Variants in ASS1 observed in about 807,000 individuals in gnomAD.
ASS1 encodes the protein argininosuccinate synthase.
Under a neutral mutation model 60.5 loss-of-function variants are expected in ASS1, and 58 were observed. That is an observed-to-expected ratio of 0.96 (90% confidence interval 0.78 to 1.19). The LOEUF is 1.19. Among genes scored for constraint, ASS1 ranks in the 50% most tolerant of loss-of-function variants. ASS1 has a pLI of 0.00. For synonymous variants in ASS1, 200 were observed against 206.9 expected, an observed-to-expected ratio of 0.97 and a Z score of 0.29; for missense variants, 454 against 547.3, an observed-to-expected ratio of 0.83 and a Z score of 1.70.
intron 4 of ASS1, 110 bp downstream of exon 4, chr9:130,458,699 T>G: frequency 7.0e-7 from 1 of 1,424,132 alleles, no homozygotes; most frequent in East Asian, 2.5e-5. Flanking sequence ...GCAGACTTGG[T>G]GCAAGGCAGC....
intron 8 of ASS1, among the ~76,000 whole-genome samples, chr9:130,472,790 G>A (rs1436100167): frequency 6.6e-5 from 10 of 152,184 alleles, no homozygotes; most frequent in Admixed American, 5.9e-4. Context: ...CAGGGAGGCC[G>A]AGCCTGCAGG....
At chr9:130,445,136 G>A (rs866532987) in intron 1 of ASS1, 141 bp downstream of exon 1, 14 of 985,220 alleles carry the variant, frequency 1.4e-5, no homozygotes, top group East Asian at 1.1e-4. Flanking sequence ...ACTCGCCGGG[G>A]ACTGGGACCG....
At chr9:130,490,044 G>T (rs1373443562) in intron 12 of ASS1, among the ~76,000 whole-genome samples, 1 of 152,236 alleles carries the variant, frequency 6.6e-6, no homozygotes, top group Non-Finnish European at 1.5e-5. Context: ...CCACTGGGGT[G>T]GCCACAGGGC....
intron 4 of ASS1, among the ~76,000 whole-genome samples, chr9:130,460,835 G>A (rs555096102): frequency 3.7e-4 from 56 of 152,256 alleles, no homozygotes; most frequent in South Asian, 1.2e-3. Context: ...CACAGACTGC[G>A]GCCTTGGTTT....
At position 130,479,756 on chromosome 9, in the gene ASS1, C is replaced by G. The variant is rs370892743; in HGVS notation, c.729C>G (p.Thr243=). ...VKVTNVKDGT[T]HQTSLELFMY... ...TGACCAACGTCAAGGATGGCACCAC[C>G]CACCAGACCTCCTTGGAGCTCTTCA... Residue 243 remains threonine, a synonymous_variant, in exon 10 of 15, where the codon ACC becomes ACG. Transcript: ENST00000352480. The G allele has an allele frequency of 6.2e-7, 1 of 1,614,224 alleles. No individual in the cohort carries two copies.
At chr9:130,462,566 C>T (rs1588479310) in intron 4 of ASS1, among the ~76,000 whole-genome samples, 1 of 152,190 alleles carries the variant, frequency 6.6e-6, no homozygotes, top group Non-Finnish European at 1.5e-5. Flanking sequence ...GATGGGCAGA[C>T]AGCAGCCCAG....
intron 14 of ASS1, 64 bp downstream of exon 14, chr9:130,499,634 GC>G: frequency 6.6e-7 from 1 of 1,506,822 alleles, no homozygotes; most frequent in Non-Finnish European, 9.1e-7. Context: ...GGCTTTGAGA[GC>G]CCCCAGGTGT....
intron 11 of ASS1, among the ~76,000 whole-genome samples, chr9:130,482,210 A>G (rs1323498165): frequency 6.6e-6 from 1 of 151,984 alleles, no homozygotes; most frequent in Admixed American, 6.5e-5. Context: ...GTTCAAACTC[A>G]TGTATGGTGG....
chr9:130,486,180 T>G (rs996127705), intron 11 of ASS1, among the ~76,000 whole-genome samples: 1 of 152,082 alleles, frequency 6.6e-6, no homozygotes, highest in Non-Finnish European at 1.5e-5. Flanking sequence ...GGGTTGGTCT[T>G]GAACTCCTGG....
intron 8 of ASS1, among the ~76,000 whole-genome samples, chr9:130,472,444 G>A (rs1302624728): frequency 6.6e-6 from 1 of 152,178 alleles, no homozygotes; most frequent in Non-Finnish European, 1.5e-5. Flanking sequence ...GAGCGGGCCG[G>A]GGGTGGCATT....
At chr9:130,499,352 T>C (rs1056004771) in intron 13 of ASS1, among the ~76,000 whole-genome samples, 153 bp from the exon 14 acceptor site, 1 of 152,152 alleles carries the variant, frequency 6.6e-6, no homozygotes, top group Non-Finnish European at 1.5e-5. Flanking sequence ...GTACAGAAAT[T>C]CAATGGAAAG....
intron 5 of ASS1, among the ~76,000 whole-genome samples, chr9:130,466,044 C>A (rs908634991): frequency 6.6e-6 from 1 of 152,192 alleles, no homozygotes; most frequent in African/African-American, 2.4e-5. Context: ...AGGTGGCGGG[C>A]CCCTTCCATT....
Position 130,494,469 on chromosome 9 carries a change from C to A in ASS1, c.971-398C>A, listed in dbSNP as rs1846530761. ...CCCCAGGCAGCATGTGCCTCTGAGT[C>A]CTGTCTGAGGTCTTCTGCCTCCCCC... On this transcript the variant is annotated intron_variant, in intron 12 of 14. Coordinates refer to ENST00000352480, the MANE Select transcript of ASS1 (RefSeq NM_054012.4). The surrounding 1 kb of genome is among the most constrained non-coding windows in gnomAD (Gnocchi z 4.3). 6.6e-6 allele frequency among the ~76,000 whole-genome samples: 1 copy of A among 152,248 alleles called. No individual in the cohort carries two copies. The highest frequency in any genetic ancestry group is 1.5e-5 in the Non-Finnish European group (1 of 68,042).
intron 4 of ASS1, among the ~76,000 whole-genome samples, chr9:130,460,942 C>T (rs1237617531): frequency 6.6e-6 from 1 of 151,970 alleles, no homozygotes. Context: ...GTGTATGCTG[C>T]CATCTGTGCA....
chr9:130,457,724 C>A (rs1252438498), intron 3 of ASS1, among the ~76,000 whole-genome samples: 3 of 152,072 alleles, frequency 2.0e-5, no homozygotes, highest in Non-Finnish European at 2.9e-5. Flanking sequence ...CTTCCAAATG[C>A]CTCCCCTACT....
chr9:130,454,175 T>C, intron 2 of ASS1, 130 bp from the exon 3 acceptor site: 3 of 941,866 alleles, frequency 3.2e-6, no homozygotes, highest in Non-Finnish European at 5.0e-6. Flanking sequence ...CCTTTTTCCT[T>C]CTTACTGTGA....
intron 1 of ASS1, among the ~76,000 whole-genome samples, chr9:130,447,964 T>G (rs2131862936): frequency 6.6e-6 from 1 of 152,036 alleles, no homozygotes; most frequent in African/African-American, 2.4e-5. Context: ...TTTGCACCCC[T>G]ATTTTGCAGC....
At chr9:130,498,042 G>C (rs1331358423) in intron 13 of ASS1, among the ~76,000 whole-genome samples, 2 of 152,166 alleles carry the variant, frequency 1.3e-5, no homozygotes, top group African/African-American at 4.8e-5. Context: ...GGAGGTACAG[G>C]AGCATGGGAG....
intron 5 of ASS1, among the ~76,000 whole-genome samples, chr9:130,465,056 A>ATATATATATATATTTTTTTTT (rs1479147331): frequency 1.7e-5 from 2 of 120,148 alleles, no homozygotes; most frequent in African/African-American, 7.2e-5. Context: ...ATATATATAT[A>ATATATATATATATTTTTTTTT]TTTTTTTTTT....
Sources: gnomAD v4.1 joint callset for allele counts (sites outside exome capture counted in the v4.1 genomes callset) on GRCh38, gnomAD v4.1.1 for gene constraint, Gnocchi (gnomAD v3.1) non-coding constraint, MANE v1.5 for transcripts, NCBI Gene and HGNC (gene_info 2026-07-23, HGNC 2026-07-21) for gene names.